The following WWOX variants were observed in gnomAD, a reference collection of about 807,000 sequenced individuals.
WWOX encodes the protein WW domain-containing oxidoreductase.
In WWOX, 69 loss-of-function variants were observed where a neutral mutation model predicts 46.2. The ratio of observed to expected loss-of-function variants is 1.49; its 90% CI spans 1.23 to 1.82. WWOX has a LOEUF of 1.82. WWOX is among the 40% of genes most tolerant of loss of function. WWOX has a pLI of 0.00. For synonymous variants in WWOX, 359 were observed against 202.6 expected (o/e 1.77, Z -6.56); for missense variants, 919 against 542.6 (o/e 1.69, Z -6.89).
At chr16:78,837,726 A>G (rs2052028247) in intron 8 of WWOX, among the ~76,000 whole-genome samples, 2 of 152,168 alleles carry the variant, frequency 1.3e-5, no homozygotes, top group South Asian at 4.1e-4. Flanking sequence ...ATTTCTATTT[A>G]TTATTTTGAC....
chr16:78,933,204 C>G lies in WWOX; in HGVS notation c.1057-278404C>G, dbSNP rs190517817. ...CTGTAATCCCAGCACTTTGGCAGGC[C>G]AAGGCGGGTGGATCACCTAAGGTCA... is the stretch of plus-strand genomic sequence containing the variant. On this transcript the variant is annotated intron_variant, in intron 8 of 8. Transcript: ENST00000566780. 4.3e-3 allele frequency among the ~76,000 whole-genome samples: 659 copies of G among 152,280 alleles called. 2 individuals are homozygous for G. The highest frequency in any genetic ancestry group is 0.015 in the African/African-American group (631 of 41,562).
At chr16:78,244,668 C>G (rs1250130900) in intron 5 of WWOX, among the ~76,000 whole-genome samples, 1 of 152,200 alleles carries the variant, frequency 6.6e-6, no homozygotes, top group Non-Finnish European at 1.5e-5. Context: ...TTGTTAGTCT[C>G]TGGGCCTCCC....
chr16:78,983,118 G>A (rs1310852917), intron 8 of WWOX, among the ~76,000 whole-genome samples: 1 of 152,142 alleles, frequency 6.6e-6, no homozygotes, highest in African/African-American at 2.4e-5. Context: ...ACTGAGAATA[G>A]CATCCAAACA....
At chr16:78,942,713 A>G (rs1223497063) in intron 8 of WWOX, among the ~76,000 whole-genome samples, 1 of 152,202 alleles carries the variant, frequency 6.6e-6, no homozygotes, top group East Asian at 1.9e-4. Context: ...ACTGAACTTG[A>G]TGGTCATCGC....
chr16:78,204,060 T>A (rs527783907), intron 5 of WWOX, among the ~76,000 whole-genome samples: 1 of 152,194 alleles, frequency 6.6e-6, no homozygotes, highest in Non-Finnish European at 1.5e-5. Flanking sequence ...GGGACAGGAA[T>A]GGTGAGAAGG....
chr16:78,632,811 G>C (rs2046467112), intron 8 of WWOX, among the ~76,000 whole-genome samples: 1 of 151,950 alleles, frequency 6.6e-6, no homozygotes, highest in Non-Finnish European at 1.5e-5. Flanking sequence ...ACCCGCCTCA[G>C]CCTCCCACAG....
At chr16:78,639,301 G>T (rs527357964) in intron 8 of WWOX, among the ~76,000 whole-genome samples, 22 of 152,304 alleles carry the variant, frequency 1.4e-4, no homozygotes, top group African/African-American at 5.1e-4. Context: ...AACCCAAGCT[G>T]GGTCAGTCCT....
chr16:78,118,528 C>G (rs1158463305), intron 4 of WWOX, among the ~76,000 whole-genome samples: 7 of 152,166 alleles, frequency 4.6e-5, no homozygotes, highest in Non-Finnish European at 8.8e-5. Flanking sequence ...TGGAACACAG[C>G]CATGCCCATT....
At chr16:79,054,260 AC>A (rs1414548320) in intron 8 of WWOX, among the ~76,000 whole-genome samples, 1 of 152,196 alleles carries the variant, frequency 6.6e-6, no homozygotes, top group Non-Finnish European at 1.5e-5. Context: ...AAGTGTCTAT[AC>A]GATAGCTACT....
intron 8 of WWOX, among the ~76,000 whole-genome samples, chr16:79,157,136 C>T (rs144890052): frequency 2.6e-5 from 4 of 152,244 alleles, no homozygotes; most frequent in East Asian, 3.9e-4. Flanking sequence ...TGATGATACA[C>T]TAGGCAAAGC....
intron 8 of WWOX, among the ~76,000 whole-genome samples, chr16:79,069,289 C>T (rs1425211474): frequency 1.3e-5 from 2 of 152,296 alleles, no homozygotes; most frequent in Non-Finnish European, 2.9e-5. Context: ...ACGCACTCAG[C>T]GAAGGCCGTG....
chr16:78,963,549 G>A (rs1183842047), intron 8 of WWOX, among the ~76,000 whole-genome samples: 1 of 152,208 alleles, frequency 6.6e-6, no homozygotes, highest in African/African-American at 2.4e-5. Flanking sequence ...TTAAGCAGGT[G>A]TGTCATCCTT....
intron 8 of WWOX, among the ~76,000 whole-genome samples, chr16:78,935,139 C>G (rs1265158840): frequency 6.6e-6 from 1 of 152,148 alleles, no homozygotes; most frequent in East Asian, 1.9e-4. Context: ...AATAGGAACA[C>G]TTTTACACTG....
chr16:79,120,197 G>T (rs1354687661), intron 8 of WWOX, among the ~76,000 whole-genome samples: 4 of 152,214 alleles, frequency 2.6e-5, no homozygotes, highest in African/African-American at 4.8e-5. Flanking sequence ...GGGCTCAGTT[G>T]TTCCTCATAG....
At chr16:79,092,485 C>G (rs951976218) in intron 8 of WWOX, among the ~76,000 whole-genome samples, 4 of 152,210 alleles carry the variant, frequency 2.6e-5, no homozygotes, top group South Asian at 2.1e-4. Flanking sequence ...CAGGCTGACC[C>G]TATACATCTT....
intron 8 of WWOX, among the ~76,000 whole-genome samples, chr16:78,603,314 A>C (rs912454055): frequency 3.9e-5 from 6 of 152,238 alleles, no homozygotes; most frequent in Non-Finnish European, 8.8e-5. Flanking sequence ...TCCTCTCACC[A>C]GCATCAACTG....
chr16:78,345,660 AAAAG>A lies in WWOX; in HGVS notation c.517-41199_517-41196del, dbSNP rs1235561211. Among the ~76,000 whole-genome samples the A allele has an allele frequency of 5.7e-5, 6 of 105,212 alleles. 1 individual carries two copies. The highest frequency in any genetic ancestry group is 8.6e-5 in the Non-Finnish European group (4 of 46,296). The allele number at this position is 105,212 out of a possible 152,430, so 69.0% of individuals were successfully genotyped here. On this transcript the variant is annotated intron_variant, in intron 5 of 8. Coordinates refer to ENST00000566780, the MANE Select transcript of WWOX (RefSeq NM_016373.4). ...GTCTCAAAAAAAAAAAAAAAAAAAAAAAAGTAAAATAAAGCATGGGAAGTCCCTT... is the reference window on the plus strand; with the variant it reads ...GTCTCAAAAAAAAAAAAAAAAAAAAATAAAATAAAGCATGGGAAGTCCCTT...
At chr16:78,735,386 C>CAGACACAA (rs1397468966) in intron 8 of WWOX, among the ~76,000 whole-genome samples, 17 of 131,298 alleles carry the variant, frequency 1.3e-4, no homozygotes, top group South Asian at 1.2e-3. Flanking sequence ...TCATACACAC[C>CAGACACAA]ACACACAAAC....
chr16:78,940,296 A>T (rs745692302), intron 8 of WWOX, among the ~76,000 whole-genome samples: 3 of 152,168 alleles, frequency 2.0e-5, no homozygotes, highest in Non-Finnish European at 4.4e-5. Flanking sequence ...GTTTACCCTG[A>T]TTTTTTGATT....
Sources: allele counts gnomAD v4.1 joint callset (sites outside exome capture counted in the v4.1 genomes callset), GRCh38; gene constraint gnomAD v4.1.1; transcripts MANE v1.5; gene names NCBI Gene and HGNC (gene_info 2026-07-23, HGNC 2026-07-21).